The following CHFR variants were observed in gnomAD, a reference collection of about 807,000 sequenced individuals.
The protein encoded by CHFR is checkpoint with forkhead and ring finger domains.
Under a neutral mutation model 87.6 loss-of-function variants are expected in CHFR, and 57 were observed. The observed-to-expected ratio is 0.65, with a 90% CI of 0.53 to 0.81. The LOEUF is 0.81. CHFR is among the 30% of genes least tolerant of loss of function. The probability of loss-of-function intolerance (pLI) is 0.00; values close to 1 mark genes in which losing one functional copy is unlikely to be tolerated. For synonymous variants in CHFR, 381 were observed against 359.2 expected (o/e 1.06, Z -0.69); for missense variants, 797 against 865.8 (o/e 0.92, Z 1.00).
intron 16 of CHFR, 30 bp from the exon 17 acceptor site, chr12:132,843,113 G>A: frequency 6.3e-7 from 1 of 1,594,508 alleles, no homozygotes; most frequent in Non-Finnish European, 8.6e-7. Context: ...ACGCATCTAT[G>A]AGATGTATTG....
At chr12:132,877,036 C>A (rs1044927059) in intron 3 of CHFR, among the ~76,000 whole-genome samples, 19 of 152,234 alleles carry the variant, frequency 1.2e-4, no homozygotes. Context: ...CTCAGGTGAT[C>A]CAACTGCCTC....
At chr12:132,874,390 G>C (rs2137034240) in intron 3 of CHFR, among the ~76,000 whole-genome samples, 1 of 149,522 alleles carries the variant, frequency 6.7e-6, no homozygotes. Context: ...CCAGGCCCTG[G>C]AACAGGTAGA....
At chr12:132,885,383 C>T (rs1951864192) in intron 2 of CHFR, among the ~76,000 whole-genome samples, 1 of 150,966 alleles carries the variant, frequency 6.6e-6, no homozygotes, top group South Asian at 2.1e-4. Flanking sequence ...TGCACTCCAG[C>T]CTGGGTGATA....
Position 132,835,758 on chromosome 12 carries a change from A to G in CHFR, c.*5796T>C. 1 of 273,172 alleles carries G rather than the reference A, an allele frequency of 3.7e-6. No homozygotes were observed. Among genetic ancestry groups the G allele is most frequent in the South Asian group, 3.0e-5 (1 of 33,206 alleles). The allele number at this position is 273,172 out of a possible 1,614,324, so 16.9% of individuals were successfully genotyped here. A position where few individuals can be genotyped will look rare whatever the true frequency, so the allele number is the denominator to read the frequency against. On this transcript the variant is annotated 3_prime_UTR_variant, in exon 18 of 18. Coordinates refer to ENST00000450056, the MANE Select transcript of CHFR (RefSeq NM_001161346.2). ...CAGCGGCCCAAGTGGACCCACATTC[A>G]AGGCCAGCACTGGGCAGGGCGGGTC...
At chr12:132,884,539 C>A (rs888224389) in intron 2 of CHFR, among the ~76,000 whole-genome samples, 1 of 152,078 alleles carries the variant, frequency 6.6e-6, no homozygotes, top group East Asian at 1.9e-4. Context: ...TATTTAAGTC[C>A]TAATCCCCAA....
intron 10 of CHFR, chr12:132,855,002 G>C (rs1007678567): frequency 2.6e-5 from 4 of 152,132 alleles, no homozygotes; most frequent in African/African-American, 9.7e-5. Flanking sequence ...AGCACTTTGA[G>C]AGGCCAAGGC....
intron 2 of CHFR, 101 bp downstream of exon 2, chr12:132,887,095 G>T (rs759134793): frequency 4.2e-5 from 43 of 1,024,102 alleles, no homozygotes; most frequent in Non-Finnish European, 5.3e-5. Flanking sequence ...TCACTCCACG[G>T]AAAAATCTGG....
intron 7 of CHFR, among the ~76,000 whole-genome samples, chr12:132,860,379 A>T (rs941626711): frequency 2.6e-5 from 4 of 152,310 alleles, no homozygotes; most frequent in Non-Finnish European, 4.4e-5. Context: ...AGTTTACTAG[A>T]TTAAGTTGTG....
At chr12:132,877,462 C>T (rs1951654724) in intron 3 of CHFR, 93 bp downstream of exon 3, 3 of 716,018 alleles carry the variant, frequency 4.2e-6, no homozygotes, top group Non-Finnish European at 6.8e-6. Flanking sequence ...AGCATTTCTT[C>T]TCCTCCTCAG....
rs1566169698 is a variant in CHFR at position 132,839,851 on chromosome 12, C to CT, written c.*1702dup. On this transcript the variant is annotated 3_prime_UTR_variant, in exon 18 of 18. Coordinates refer to ENST00000450056, the MANE Select transcript of CHFR (RefSeq NM_001161346.2). ...CCCCTGCACAAACTCGGGATCTCCC[C>CT]TCTCAGCCTCGCCCCTGCACTAACT... 6.0e-5 allele frequency: 10 copies of CT among 166,344 alleles called. No individual in the cohort carries two copies. The highest frequency in any genetic ancestry group is 2.0e-4 in the South Asian group (2 of 10,108). 10.3% of individuals were successfully genotyped at this position (166,344 alleles called of 1,614,324 possible).
chr12:132,848,687 C>G lies in CHFR; in HGVS notation c.1530G>C (p.Trp510Cys). Residue 510 changes from tryptophan to cysteine, a missense_variant, in exon 13 of 18, where the codon TGG becomes TGC. Physicochemically the swap from Trp to Cys is radical, Grantham distance 215. This residue lies in a region of CHFR where 200 missense variants were observed against 264.6 expected (regional missense o/e 0.76). Transcript: ENST00000450056. ...CGTAGCAGCCGGTCCGGGTGCAGCCCCAGTACAGGTGGCAGAAAGGCTGCA... is the reference window on the plus strand; with the variant it reads ...CGTAGCAGCCGGTCCGGGTGCAGCCGCAGTACAGGTGGCAGAAAGGCTGCA... Reference protein sequence around the residue: ...VCLQPFCHLYWGCTRTGCYGC... With the variant: ...VCLQPFCHLYCGCTRTGCYGC... 1 of 1,595,738 alleles carries G rather than the reference C, an allele frequency of 6.3e-7. No individual in the cohort carries two copies.
chr12:132,880,945 A>G (rs1029310378), intron 2 of CHFR, among the ~76,000 whole-genome samples: 3 of 151,316 alleles, frequency 2.0e-5, no homozygotes, highest in African/African-American at 7.3e-5. Flanking sequence ...AGCCTGGGCG[A>G]CAGAGCGAGA....
chr12:132,854,204 T>G (rs889260683), intron 10 of CHFR: 1 of 152,214 alleles, frequency 6.6e-6, no homozygotes, highest in African/African-American at 2.4e-5. Flanking sequence ...AAAAGACATT[T>G]TTTTCATAAG....
chr12:132,850,625 G>A (rs1184608350), intron 12 of CHFR, among the ~76,000 whole-genome samples: 1 of 152,178 alleles, frequency 6.6e-6, no homozygotes, highest in East Asian at 1.9e-4. Context: ...GCCAAGCCCA[G>A]TCTCAGGGTA....
chr12:132,853,615 C>G, intron 10 of CHFR, 42 bp from the exon 11 acceptor site: 2 of 1,489,930 alleles, frequency 1.3e-6, no homozygotes, highest in South Asian at 2.6e-5. Context: ...AGGCCCCAAG[C>G]CTCTCAGGTA....
At chr12:132,857,085 G>A (rs1176872975) in intron 9 of CHFR, among the ~76,000 whole-genome samples, 1 of 125,668 alleles carries the variant, frequency 8.0e-6, no homozygotes, top group Non-Finnish European at 1.7e-5. Flanking sequence ...TCACGTGCCC[G>A]GGTGCTGGTG....
intron 15 of CHFR, among the ~76,000 whole-genome samples, chr12:132,844,929 G>A (rs12369022): frequency 0.21 from 31,290 of 151,942 alleles, 3,439 homozygotes; most frequent in African/African-American, 0.27. Context: ...CTCCACGCCC[G>A]GCCCCACATG....
At chr12:132,849,326 T>A (rs1005691996) in intron 12 of CHFR, 1 of 151,488 alleles carries the variant, frequency 6.6e-6, no homozygotes, top group Non-Finnish European at 1.5e-5. Context: ...GTATCGTTTC[T>A]TAAACTGAAC....
At chr12:132,847,787 C>G in intron 14 of CHFR, 3 of 1,278,760 alleles carry the variant, frequency 2.3e-6, no homozygotes, top group Non-Finnish European at 3.0e-6. Flanking sequence ...AAGCCCTCAC[C>G]GAGAGCTGTG....
Sources: allele counts gnomAD v4.1 joint callset (sites outside exome capture counted in the v4.1 genomes callset), GRCh38; gene constraint gnomAD v4.1.1; regional missense constraint gnomAD v4.1.1; transcripts MANE v1.5; gene names NCBI Gene and HGNC (gene_info 2026-07-23, HGNC 2026-07-21).